Variants in ETS1 observed in about 807,000 individuals in gnomAD.
ETS1 encodes the protein ETS proto-oncogene 1, transcription factor.
In ETS1, 15 loss-of-function variants were observed where a neutral mutation model predicts 58.6. The observed-to-expected ratio is 0.26, with a 90% CI of 0.17 to 0.39. The LOEUF (loss-of-function observed/expected upper bound fraction) is 0.39, where lower values mean the gene tolerates loss of function less well. Among genes scored for constraint, ETS1 ranks in the 10% least tolerant of loss-of-function variants. ETS1 has a pLI of 1.00. For synonymous variants in ETS1, 214 were observed against 218.2 expected (o/e 0.98, Z 0.17); for missense variants, 417 against 610.5 (o/e 0.68, Z 3.34).
In ETS1 at chr11:128,534,690, T is replaced by C. The variant is rs548341545; in HGVS notation, c.214+21601A>G. ...GAACAGACAGTGTTTGGTTTTCTGTTCCTGTGTTAGTTTGCTGAGGAGAAT... is the reference window on the plus strand; with the variant it reads ...GAACAGACAGTGTTTGGTTTTCTGTCCCTGTGTTAGTTTGCTGAGGAGAAT... On this transcript the variant is annotated intron_variant, in intron 3 of 9. Transcript: ENST00000392668. 2.0e-5 allele frequency among the ~76,000 whole-genome samples: 3 copies of C among 152,334 alleles called. No individual in the cohort carries two copies. In the East Asian group the frequency reaches 5.8e-4, roughly 29 times the overall value.
At chr11:128,569,318 C>CTTCTTTTTTTT (rs1864574645) in intron 2 of ETS1, among the ~76,000 whole-genome samples, 2 of 39,462 alleles carry the variant, frequency 5.1e-5, no homozygotes, top group African/African-American at 2.2e-4. Flanking sequence ...AGAGTTTCTT[C>CTTCTTTTTTTT]TTTTTTTTTT....
rs1405992554 is a variant in ETS1 at position 128,460,626 on chromosome 11, C to T, written c.*1735G>A. 1 of 152,296 alleles carries T rather than the reference C, an allele frequency of 6.6e-6. No homozygotes were observed. The highest frequency in any genetic ancestry group is 1.5e-5 in the Non-Finnish European group (1 of 68,032). The allele number at this position is 152,296 out of a possible 1,614,324, so 9.4% of individuals were successfully genotyped here. Reference sequence around the variant, plus strand: ...GATTCTAATTGTATTAGGCACTTTTCCTCACTAGTTAGATGTTGACTTTTC... The same window carrying T: ...GATTCTAATTGTATTAGGCACTTTTTCTCACTAGTTAGATGTTGACTTTTC... On this transcript the variant is annotated 3_prime_UTR_variant, in exon 10 of 10. Coordinates refer to ENST00000392668, the MANE Select transcript of ETS1 (RefSeq NM_001143820.2).
In ETS1 at chr11:128,559,318, T is replaced by C. The variant is rs563670510; in HGVS notation, c.70-2883A>G. On this transcript the variant is annotated intron_variant, in intron 2 of 9. Transcript: ENST00000392668. ...AGAAGGTAGATAATCGGTAAGTAGGTAGGGCACAAAATAATGTGGGTCCAC... is the reference window on the plus strand; with the variant it reads ...AGAAGGTAGATAATCGGTAAGTAGGCAGGGCACAAAATAATGTGGGTCCAC... 9.2e-5 allele frequency among the ~76,000 whole-genome samples: 14 copies of C among 152,320 alleles called. 1 individual carries two copies. In the South Asian group the frequency reaches 2.5e-3, roughly 27 times the overall value.
At chr11:128,562,175 C>T (rs1591664042) in intron 2 of ETS1, among the ~76,000 whole-genome samples, 1 of 152,114 alleles carries the variant, frequency 6.6e-6, no homozygotes, top group East Asian at 1.9e-4. Flanking sequence ...GGCCGGGAGG[C>T]CAAGGCGGGC....
At chr11:128,557,639 C>T (rs987762710) in intron 2 of ETS1, among the ~76,000 whole-genome samples, 4 of 152,096 alleles carry the variant, frequency 2.6e-5, no homozygotes, top group African/African-American at 7.2e-5. Flanking sequence ...GGATTCTAAT[C>T]GACACTGGCC....
intron 2 of ETS1, among the ~76,000 whole-genome samples, chr11:128,562,107 A>T (rs762483202): frequency 6.6e-6 from 1 of 152,244 alleles, no homozygotes; most frequent in Non-Finnish European, 1.5e-5. Flanking sequence ...GGCCACTAAG[A>T]AAAGGGTGGT....
At chr11:128,545,023 G>T (rs892876194) in intron 3 of ETS1, among the ~76,000 whole-genome samples, 12 of 108,684 alleles carry the variant, frequency 1.1e-4, no homozygotes, top group East Asian at 3.2e-4. Context: ...GGTTGGGGGT[G>T]GGGGGGGCAG....
intron 3 of ETS1, among the ~76,000 whole-genome samples, chr11:128,501,073 T>G (rs1330644547): frequency 2.0e-5 from 3 of 152,352 alleles, no homozygotes; most frequent in Non-Finnish European, 1.5e-5. Flanking sequence ...TTTGTCCTTA[T>G]CTGGCAGCTT....
At chr11:128,568,045 C>T (rs919761134) in intron 2 of ETS1, among the ~76,000 whole-genome samples, 1 of 152,154 alleles carries the variant, frequency 6.6e-6, no homozygotes, top group African/African-American at 2.4e-5. Flanking sequence ...TGTAGTTAGC[C>T]TCTTGGGCAT....
chr11:128,572,147 T>A (rs1864648948), intron 2 of ETS1: 1 of 150,616 alleles, frequency 6.6e-6, no homozygotes, highest in African/African-American at 2.5e-5. Context: ...GTGGTGCAGG[T>A]CTGTAATCCC....
At chr11:128,566,550 A>C (rs146831711) in intron 2 of ETS1, among the ~76,000 whole-genome samples, 2 of 152,112 alleles carry the variant, frequency 1.3e-5, no homozygotes, top group African/African-American at 4.8e-5. Flanking sequence ...TTGGGAGGCT[A>C]AGGTGGGCAG....
intron 8 of ETS1, among the ~76,000 whole-genome samples, chr11:128,478,152 A>G (rs1862374279): frequency 6.6e-6 from 1 of 152,152 alleles, no homozygotes; most frequent in Admixed American, 6.5e-5. Flanking sequence ...CATTAAAATG[A>G]TTACTTCAGA....
At chr11:128,559,531 A>G (rs1371296980) in intron 2 of ETS1, among the ~76,000 whole-genome samples, 1 of 152,200 alleles carries the variant, frequency 6.6e-6, no homozygotes, top group Non-Finnish European at 1.5e-5. Context: ...TTTAAGGCAT[A>G]GTTCCTCTGT....
intron 1 of ETS1, among the ~76,000 whole-genome samples, chr11:128,584,128 T>C (rs1158066761): frequency 6.6e-6 from 1 of 152,212 alleles, no homozygotes; most frequent in East Asian, 1.9e-4. Flanking sequence ...ATAAAACTGA[T>C]ATTTGTCAGG....
rs142099364 is a variant in ETS1, at chr11:128,489,369, C to G, written c.456G>C (p.Leu152=). ...FCMNGAALCA[L]GKDCFLELAP... The stretch of plus-strand genomic sequence containing the variant: ...CCAGCTCGAGAAAGCAGTCTTTACC[C>G]AGGGCGCAGAGGGCTGCTCCATTCA... Residue 152 remains leucine, a synonymous_variant, in exon 5 of 10, where the codon CTG becomes CTC. Transcript: ENST00000392668. 6.2e-7 allele frequency: 1 copy of G among 1,614,080 alleles called. No homozygotes were observed. Among genetic ancestry groups the G allele is most frequent in the East Asian group, 2.2e-5 (1 of 44,890 alleles).
At chr11:128,467,459 C>T (rs1021536099) in intron 8 of ETS1, among the ~76,000 whole-genome samples, 1 of 152,054 alleles carries the variant, frequency 6.6e-6, no homozygotes, top group African/African-American at 2.4e-5. Context: ...GAGGTCTGCC[C>T]AAATCCACAG....
In ETS1 at chr11:128,585,187, AAGG is replaced by A. The variant is rs1192269586; in HGVS notation, c.-15+2298_-15+2300del. On this transcript the variant is annotated intron_variant, in intron 1 of 9. Coordinates refer to ENST00000392668, the MANE Select transcript of ETS1 (RefSeq NM_001143820.2). ...AAGAAAGAGAAAGAAAGAAAGAAAG[AAGG>A]AAGGAAAGAAAGAAAGAAAGAAAGA... Among the ~76,000 whole-genome samples the A allele has an allele frequency of 1.9e-4, 7 of 35,920 alleles. 2 individuals carry two copies. The highest frequency in any genetic ancestry group is 1.2e-3 in the African/African-American group (7 of 5,956). 23.6% of individuals were successfully genotyped at this position (35,920 alleles called of 152,430 possible).
intron 1 of ETS1, among the ~76,000 whole-genome samples, chr11:128,575,903 A>T (rs996044416): frequency 6.6e-6 from 1 of 152,218 alleles, no homozygotes; most frequent in East Asian, 1.9e-4. Flanking sequence ...CACATCCTGA[A>T]GCCCACCTCA....
intron 1 of ETS1, among the ~76,000 whole-genome samples, chr11:128,578,710 A>G (rs919229865): frequency 2.6e-5 from 4 of 152,316 alleles, no homozygotes; most frequent in African/African-American, 9.6e-5. Context: ...TTTTACCTTC[A>G]TGAGATTATT....
Sources: gnomAD v4.1 joint callset for allele counts (sites outside exome capture counted in the v4.1 genomes callset) on GRCh38, gnomAD v4.1.1 for gene constraint, MANE v1.5 for transcripts, NCBI Gene and HGNC (gene_info 2026-07-23, HGNC 2026-07-21) for gene names.